The following PTPRQ variants were observed in gnomAD, a reference collection of about 807,000 sequenced individuals.
The protein encoded by PTPRQ is phosphatidylinositol phosphatase PTPRQ.
In PTPRQ, 199 loss-of-function variants were observed where a neutral mutation model predicts 246.0. That is an observed-to-expected ratio of 0.81 (90% CI 0.72 to 0.91). The LOEUF (loss-of-function observed/expected upper bound fraction) is 0.91, where lower values mean the gene tolerates loss of function less well. Among genes scored for constraint, PTPRQ ranks in the 40% least tolerant of loss-of-function variants. The pLI is 0.00. For missense variants in PTPRQ, 2,624 were observed against 2,528.4 expected (o/e 1.04, Z -0.81); for synonymous variants, 869 against 853.2 (o/e 1.02, Z -0.32).
At chr12:80,539,028 T>A (rs2120828278) in intron 19 of PTPRQ, among the ~76,000 whole-genome samples, 1 of 152,302 alleles carries the variant, frequency 6.6e-6, no homozygotes, top group African/African-American at 2.4e-5. Context: ...TCATACTGAT[T>A]AGCTATGTGT....
intron 34 of PTPRQ, among the ~76,000 whole-genome samples, chr12:80,633,982 T>G (rs1213781524): frequency 6.6e-6 from 1 of 152,204 alleles, no homozygotes; most frequent in Non-Finnish European, 1.5e-5. Context: ...TACATTCTGC[T>G]TTTGTTCAGT....
intron 17 of PTPRQ, among the ~76,000 whole-genome samples, chr12:80,531,368 A>G (rs1895838636): frequency 6.6e-6 from 1 of 152,198 alleles, no homozygotes; most frequent in Admixed American, 6.5e-5. Flanking sequence ...TTAAGCTAAT[A>G]AGAATAAAAC....
At chr12:80,533,896 C>A in intron 17 of PTPRQ, 119 bp from the exon 18 acceptor site, 1 of 706,774 alleles carries the variant, frequency 1.4e-6, no homozygotes, top group Non-Finnish European at 2.0e-6. Flanking sequence ...CATCTTTTTT[C>A]TATTAATCTA....
chr12:80,665,598 A>T (rs1447880270), intron 39 of PTPRQ, among the ~76,000 whole-genome samples: 1 of 152,080 alleles, frequency 6.6e-6, no homozygotes, highest in Non-Finnish European at 1.5e-5. Flanking sequence ...AAAATATACA[A>T]ATGGGATTAT....
At chr12:80,502,837 A>G (rs545546066) in intron 14 of PTPRQ, among the ~76,000 whole-genome samples, 1 of 151,968 alleles carries the variant, frequency 6.6e-6, no homozygotes, top group Admixed American at 6.6e-5. Context: ...GGGTAAAGTA[A>G]GGTGGGGGAA....
At chr12:80,563,948 A>G (rs970523486) in intron 25 of PTPRQ, among the ~76,000 whole-genome samples, 2 of 151,722 alleles carry the variant, frequency 1.3e-5, no homozygotes, top group East Asian at 3.9e-4. Flanking sequence ...ATGAGATCAT[A>G]GTTTCTTTCT....
intron 25 of PTPRQ, among the ~76,000 whole-genome samples, chr12:80,557,960 T>C: frequency 6.6e-6 from 1 of 152,226 alleles, no homozygotes; most frequent in East Asian, 1.9e-4. Context: ...ATAAGTGGAA[T>C]TATAAAGTAT....
intron 14 of PTPRQ, among the ~76,000 whole-genome samples, chr12:80,503,603 G>C (rs1894867685): frequency 6.6e-6 from 1 of 151,684 alleles, no homozygotes; most frequent in Non-Finnish European, 1.5e-5. Flanking sequence ...TGAAAGAAAA[G>C]AGTTTTATAA....
At chr12:80,572,442 T>A (rs1468159453) in intron 25 of PTPRQ, among the ~76,000 whole-genome samples, 1 of 152,092 alleles carries the variant, frequency 6.6e-6, no homozygotes, top group African/African-American at 2.4e-5. Flanking sequence ...AATTATTGTG[T>A]CTTCTAAAAT....
At chr12:80,647,776 C>T (rs1221708148) in intron 35 of PTPRQ, among the ~76,000 whole-genome samples, 3 of 152,220 alleles carry the variant, frequency 2.0e-5, no homozygotes, top group Admixed American at 6.5e-5. Context: ...TCCACCAAGA[C>T]TCTTTGTTAG....
chr12:80,673,425 A>G, intron 43 of PTPRQ, 121 bp downstream of exon 43: 2 of 1,413,044 alleles, frequency 1.4e-6, no homozygotes, highest in South Asian at 1.5e-5. Context: ...TTCCTACATT[A>G]TAAGCCTTTT....
At chr12:80,662,020 C>A (rs1202798028) in intron 39 of PTPRQ, among the ~76,000 whole-genome samples, 1 of 151,868 alleles carries the variant, frequency 6.6e-6, no homozygotes, top group Non-Finnish European at 1.5e-5. Context: ...AGTCTCTAGG[C>A]CTATACATTG....
intron 8 of PTPRQ, among the ~76,000 whole-genome samples, chr12:80,478,505 C>T (rs956477210): frequency 2.6e-5 from 4 of 152,160 alleles, no homozygotes; most frequent in African/African-American, 9.7e-5. Context: ...AGTTCCTCAC[C>T]AGCAATGGAA....
At chr12:80,640,704 A>G (rs1355898753) in intron 35 of PTPRQ, among the ~76,000 whole-genome samples, 1 of 152,116 alleles carries the variant, frequency 6.6e-6, no homozygotes, top group African/African-American at 2.4e-5. Context: ...AATACATAAT[A>G]TTGAACATCT....
At chr12:80,496,797 T>C (rs1331679875) in intron 14 of PTPRQ, among the ~76,000 whole-genome samples, 1 of 152,094 alleles carries the variant, frequency 6.6e-6, no homozygotes, top group African/African-American at 2.4e-5. Flanking sequence ...AAGGATTCTT[T>C]CAATGTACCT....
intron 33 of PTPRQ, among the ~76,000 whole-genome samples, chr12:80,626,064 A>G (rs1899191255): frequency 6.6e-6 from 1 of 152,216 alleles, no homozygotes; most frequent in Non-Finnish European, 1.5e-5. Flanking sequence ...CTTTTGTCAT[A>G]ACACTTCTCA....
At chr12:80,538,572 A>C (rs895043431) in intron 19 of PTPRQ, among the ~76,000 whole-genome samples, 9 of 152,182 alleles carry the variant, frequency 5.9e-5, no homozygotes, top group African/African-American at 2.2e-4. Flanking sequence ...ATATTACTTT[A>C]ACTTGTCTAT....
At position 80,534,951 on chromosome 12, in the gene PTPRQ, C is replaced by A; in HGVS notation, c.2899C>A (p.Leu967Ile). 3.9e-6 allele frequency: 6 copies of A among 1,550,202 alleles called. No homozygotes were observed. The highest frequency in any genetic ancestry group is 2.5e-5 in the East Asian group (1 of 40,724). The change falls in exon 19 of 45, where the codon CTT becomes ATT. Residue 967 changes from leucine to isoleucine, a missense_variant. Coordinates refer to ENST00000644991, the MANE Select transcript of PTPRQ (RefSeq NM_001145026.2). ...AAACCTCAGTTCTTCATCAATAATT[C>A]TTTTCTGGACACCTCCTTCAAAACC... ...YANLSSSSIILFWTPPSKPNG... is the reference protein window; with the variant it reads ...YANLSSSSIIIFWTPPSKPNG...
At chr12:80,527,894 G>A (rs564003072) in intron 17 of PTPRQ, among the ~76,000 whole-genome samples, 79 of 152,228 alleles carry the variant, frequency 5.2e-4, no homozygotes, top group South Asian at 4.1e-4. Flanking sequence ...AGGAGTTTGC[G>A]ATCAGCCTGG....
Sources: allele counts gnomAD v4.1 joint callset (sites outside exome capture counted in the v4.1 genomes callset), GRCh38; gene constraint gnomAD v4.1.1; transcripts MANE v1.5; gene names NCBI Gene and HGNC (gene_info 2026-07-23, HGNC 2026-07-21).